Variants in FREM1 observed in about 807,000 individuals in gnomAD.
The protein encoded by FREM1 is FRAS1 related extracellular matrix 1.
FREM1 carries 220 observed loss-of-function variants against 210.1 expected under a neutral mutation model. That is an observed-to-expected ratio of 1.05 (90% CI 0.94 to 1.17). The LOEUF is 1.17. Ranked by LOEUF, FREM1 falls within the 50% of genes most tolerant of loss-of-function variation. FREM1 has a pLI of 0.00. For missense variants in FREM1, 3,454 were observed against 2,675.5 expected (o/e 1.29, Z -6.42); for synonymous variants, 1,189 against 980.2 (o/e 1.21, Z -3.98).
At position 14,848,916 on chromosome 9, in the gene FREM1, A is replaced by T. The variant is rs1827170630; in HGVS notation, c.1153-143T>A. ...TGCAGTTCCCACATCTCATTTAGAC[A>T]TCCTGATTTGACTTTTTCAGGTTCT... On this transcript the variant is annotated intron_variant, in intron 6 of 36. Transcript: ENST00000380880. The T allele has an allele frequency of 2.4e-5, 12 of 491,440 alleles. No homozygotes were observed. In the South Asian group the frequency reaches 4.4e-4, roughly 18 times the overall value. 30.4% of individuals were successfully genotyped at this position (491,440 alleles called of 1,614,324 possible).
At chr9:14,888,112 T>C (rs1836144842) in intron 1 of FREM1, among the ~76,000 whole-genome samples, 2 of 152,226 alleles carry the variant, frequency 1.3e-5, no homozygotes, top group South Asian at 4.1e-4. Context: ...CCAACATTTA[T>C]ACGTGTTTAC....
chr9:14,767,042 ATTTCT>A (rs1354964057), intron 27 of FREM1, among the ~76,000 whole-genome samples: 1 of 152,152 alleles, frequency 6.6e-6, no homozygotes, highest in East Asian at 1.9e-4. Context: ...TACGTTACAC[ATTTCT>A]TTTGTTTTTC....
chr9:14,780,163 T>C (rs1395975765), intron 24 of FREM1, among the ~76,000 whole-genome samples: 1 of 152,062 alleles, frequency 6.6e-6, no homozygotes, highest in Non-Finnish European at 1.5e-5. Flanking sequence ...AAGAAGTTGG[T>C]GGTAGCAGCT....
intron 27 of FREM1, among the ~76,000 whole-genome samples, chr9:14,763,773 C>T (rs556432529): frequency 6.6e-6 from 1 of 152,222 alleles, no homozygotes; most frequent in East Asian, 1.9e-4. Context: ...GCATGTACCA[C>T]GTACAGCAAG....
In FREM1 at chr9:14,857,260, T is replaced by G. The variant is rs145200345; in HGVS notation, c.828+293A>C. Among the ~76,000 whole-genome samples, 53 of 152,224 alleles carry G rather than the reference T, an allele frequency of 3.5e-4. 1 individual carries two copies. The East Asian group carries it at 8.9e-3, about 26-fold the overall frequency. ...GGTCAAATGACAAGCTGAAGAGTAT[T>G]GGGAGTAAAGGAGGAAGAAGGTTAG... is the stretch of plus-strand genomic sequence containing the variant. On this transcript the variant is annotated intron_variant, in intron 5 of 36. Transcript: ENST00000380880.
At chr9:14,769,294 T>C (rs1237679152) in intron 27 of FREM1, among the ~76,000 whole-genome samples, 1 of 152,218 alleles carries the variant, frequency 6.6e-6, no homozygotes, top group Non-Finnish European at 1.5e-5. Flanking sequence ...AGAAGATGTT[T>C]GGCTAACTCT....
In FREM1 at chr9:14,869,019, C is replaced by T; in HGVS notation, c.-42G>A. ...TCTTCTCTGTCCACCGGCGAAATCC[C>T]TTTAACAAAGGAGGGCTTCTGTGCT... is the stretch of plus-strand genomic sequence containing the variant. On this transcript the variant is annotated 5_prime_UTR_variant, in exon 2 of 37. Transcript: ENST00000380880. 1 of 1,399,680 alleles carries T rather than the reference C, an allele frequency of 7.1e-7. No homozygotes were observed. The highest frequency in any genetic ancestry group is 1.4e-5 in the African/African-American group (1 of 70,072). 86.7% of individuals were successfully genotyped at this position (1,399,680 alleles called of 1,614,324 possible). A position where few individuals can be genotyped will look rare whatever the true frequency, so the allele number is the denominator to read the frequency against.
chr9:14,893,169 T>TTC (rs58771212), intron 1 of FREM1, among the ~76,000 whole-genome samples: 22 of 150,832 alleles, frequency 1.5e-4, no homozygotes, highest in Non-Finnish European at 2.2e-4. Flanking sequence ...ACTTCTCTCT[T>TTC]TCTCTCTCTC....
At chr9:14,783,997 C>G (rs937570850) in intron 24 of FREM1, among the ~76,000 whole-genome samples, 1 of 152,118 alleles carries the variant, frequency 6.6e-6, no homozygotes, top group Non-Finnish European at 1.5e-5. Context: ...TAGCTGGGAG[C>G]CTCAGCTTTT....
intron 18 of FREM1, among the ~76,000 whole-genome samples, chr9:14,806,320 A>G (rs1302496256): frequency 2.0e-5 from 3 of 150,406 alleles, no homozygotes; most frequent in African/African-American, 7.4e-5. Context: ...CAATGGCACA[A>G]TCTCAGCTCA....
chr9:14,890,627 C>T (rs932686315), intron 1 of FREM1, among the ~76,000 whole-genome samples: 1 of 152,086 alleles, frequency 6.6e-6, no homozygotes, highest in Non-Finnish European at 1.5e-5. Flanking sequence ...TATAGAATGG[C>T]CAGAGGGTAT....
At chr9:14,789,731 C>G (rs1260904728) in intron 22 of FREM1, among the ~76,000 whole-genome samples, 1 of 152,146 alleles carries the variant, frequency 6.6e-6, no homozygotes, top group Non-Finnish European at 1.5e-5. Context: ...TTATCAGAAT[C>G]TTCTAAAAGT....
chr9:14,882,912 C>CAAAAAAAGAAAAA (rs1835050667), intron 1 of FREM1, among the ~76,000 whole-genome samples: 1 of 45,418 alleles, frequency 2.2e-5, no homozygotes, highest in East Asian at 7.4e-4. Flanking sequence ...GACTCCATCT[C>CAAAAAAAGAAAAA]AAAAAAAAAA....
intron 5 of FREM1, among the ~76,000 whole-genome samples, chr9:14,856,015 C>T (rs375575976): frequency 6.6e-6 from 1 of 152,074 alleles, no homozygotes; most frequent in Non-Finnish European, 1.5e-5. Flanking sequence ...TCGGGGCCAC[C>T]ACTATAAAAT....
Position 14,797,534 on chromosome 9 carries a change from A to G in FREM1, c.3803T>C (p.Val1268Ala). 1 of 1,611,116 alleles carries G rather than the reference A, an allele frequency of 6.2e-7. No homozygotes were observed. Among genetic ancestry groups the G allele is most frequent in the Non-Finnish European group, 8.5e-7 (1 of 1,178,444 alleles). ...TGGTTTTTCATCATTAACTGGGATGACCTCTACTGAAATGGTTTTAAGTAT... is the reference window on the plus strand; with the variant it reads ...TGGTTTTTCATCATTAACTGGGATGGCCTCTACTGAAATGGTTTTAAGTAT... ...HKILKTISVE[V>A]IPVNDEKPML... Residue 1268 changes from valine (V) to alanine (A), a missense_variant, in exon 21 of 37, where the codon GTC (valine) becomes GCC (alanine). Coordinates refer to ENST00000380880, the MANE Select transcript of FREM1 (RefSeq NM_001379081.2).
At chr9:14,740,344 C>T (rs1841325300) in intron 35 of FREM1, 110 bp from the exon 36 acceptor site, 2 of 788,436 alleles carry the variant, frequency 2.5e-6, no homozygotes, top group East Asian at 5.4e-5. Flanking sequence ...AAAAGTAGGT[C>T]TTTAAAAAAA....
intron 23 of FREM1, among the ~76,000 whole-genome samples, chr9:14,786,571 C>G (rs1850456260): frequency 1.3e-5 from 2 of 152,148 alleles, no homozygotes; most frequent in Non-Finnish European, 2.9e-5. Context: ...GTTGTCATAA[C>G]TGGGAGTTGC....
At chr9:14,739,475 T>TTC (rs1841081113) in intron 36 of FREM1, among the ~76,000 whole-genome samples, 18 of 91,636 alleles carry the variant, frequency 2.0e-4, no homozygotes, top group Non-Finnish European at 3.0e-4. Context: ...TATATATATA[T>TTC]AATTCATATA....
At chr9:14,739,040 T>G (rs923082457) in intron 36 of FREM1, among the ~76,000 whole-genome samples, 1 of 150,704 alleles carries the variant, frequency 6.6e-6, no homozygotes, top group Non-Finnish European at 1.5e-5. Context: ...GATTTATTAT[T>G]GTTAAAACTG....
Sources: allele counts gnomAD v4.1 joint callset (sites outside exome capture counted in the v4.1 genomes callset), GRCh38; gene constraint gnomAD v4.1.1; transcripts MANE v1.5; gene names NCBI Gene and HGNC (gene_info 2026-07-23, HGNC 2026-07-21).